Variants in MYBL2 observed in about 807,000 individuals in gnomAD.
The protein encoded by MYBL2 is MYB proto-oncogene like 2.
In MYBL2, 28 loss-of-function variants were observed where a neutral mutation model predicts 79.9. The observed-to-expected ratio is 0.35, with a 90% CI of 0.26 to 0.48. The LOEUF is 0.48. Ranked by LOEUF, MYBL2 falls within the 20% of genes least tolerant of loss-of-function variation. MYBL2 has a pLI of 0.99. For missense variants in MYBL2, 735 were observed against 893.9 expected (o/e 0.82, Z 2.27); for synonymous variants, 378 against 361.2 (o/e 1.05, Z -0.53).
At chr20:43,685,999 T>C (rs1320854369) in intron 4 of MYBL2, among the ~76,000 whole-genome samples, 3 of 151,878 alleles carry the variant, frequency 2.0e-5, no homozygotes, top group African/African-American at 7.3e-5. Flanking sequence ...ATCGTGCCAT[T>C]GCACTCCAGC....
chr20:43,707,238 T>C (rs1289410763), intron 9 of MYBL2, among the ~76,000 whole-genome samples: 1 of 151,526 alleles, frequency 6.6e-6, no homozygotes, highest in African/African-American at 2.4e-5. Context: ...AAAGAGTTGA[T>C]CTAAAGCATA....
intron 5 of MYBL2, among the ~76,000 whole-genome samples, chr20:43,691,534 T>A (rs1271567907): frequency 8.1e-6 from 1 of 122,974 alleles, no homozygotes; most frequent in African/African-American, 2.9e-5. Flanking sequence ...TTCCTGGTCT[T>A]ATATATACAT....
chr20:43,678,335 A>G (rs6073173), intron 2 of MYBL2, among the ~76,000 whole-genome samples: 105 of 11,634 alleles, frequency 9.0e-3, no homozygotes, highest in African/African-American at 0.013. Context: ...AAGAAAGAAA[A>G]AAAAAAAAAA....
At chr20:43,692,635 A>G (rs866656059) in intron 6 of MYBL2, among the ~76,000 whole-genome samples, 145 of 152,296 alleles carry the variant, frequency 9.5e-4, no homozygotes, top group African/African-American at 3.3e-3. Flanking sequence ...CATGTTTGCA[A>G]TAAAAAAATC....
chr20:43,675,672 G>T (rs1217129492), intron 2 of MYBL2, among the ~76,000 whole-genome samples: 1 of 152,014 alleles, frequency 6.6e-6, no homozygotes, highest in East Asian at 1.9e-4. Flanking sequence ...ATTATCCCAA[G>T]AAGTTTTCTG....
intron 4 of MYBL2, among the ~76,000 whole-genome samples, chr20:43,686,350 G>C (rs141809280): frequency 2.0e-5 from 3 of 152,088 alleles, no homozygotes; most frequent in Non-Finnish European, 2.9e-5. Context: ...AGGTCAGCCC[G>C]CGATGCCTGC....
intron 9 of MYBL2, among the ~76,000 whole-genome samples, chr20:43,708,474 C>T (rs1987837659): frequency 6.6e-6 from 1 of 152,016 alleles, no homozygotes. Flanking sequence ...CTCTTAGTCA[C>T]CCGGGTTGGA....
At chr20:43,694,870 T>C (rs1052949357) in intron 6 of MYBL2, among the ~76,000 whole-genome samples, 1 of 152,150 alleles carries the variant, frequency 6.6e-6, no homozygotes, top group Non-Finnish European at 1.5e-5. Flanking sequence ...ATAGAAGACT[T>C]TCAGCATAGG....
intron 5 of MYBL2, among the ~76,000 whole-genome samples, chr20:43,691,140 C>T (rs1477851119): frequency 6.6e-6 from 1 of 152,070 alleles, no homozygotes; most frequent in Non-Finnish European, 1.5e-5. Flanking sequence ...CCTCTTTGGC[C>T]ACTTATCAGT....
intron 11 of MYBL2, 57 bp from the exon 12 acceptor site, chr20:43,712,945 C>G: frequency 7.3e-7 from 1 of 1,369,924 alleles, no homozygotes; most frequent in Non-Finnish European, 1.0e-6. Context: ...CATCCAGGTG[C>G]TGACCATGGG....
chr20:43,686,858 G>T lies in MYBL2; in HGVS notation c.286G>T (p.Glu96Ter). The change falls in exon 5 of 14, where the codon GAG becomes TAG. Residue 96 changes from glutamate (E) to a stop codon, truncating the protein, a stop_gained. Coordinates refer to ENST00000217026, the MANE Select transcript of MYBL2 (RefSeq NM_002466.4). LOFTEE classifies it high-confidence loss of function. ...CCAGAGACTTTTCTCTAAGGTCATCGAGCTGGTTAAGAAGTATGGCACAAA... is the reference window on the plus strand; with the variant it reads ...CCAGAGACTTTTCTCTAAGGTCATCTAGCTGGTTAAGAAGTATGGCACAAA... The part of the protein sequence containing the change: ...WTKEEDQKVI[E>*]LVKKYGTKQW... 6.2e-7 allele frequency: 1 copy of T among 1,614,020 alleles called. No homozygotes were observed. Among genetic ancestry groups the T allele is most frequent in the South Asian group, 1.1e-5 (1 of 91,034 alleles).
intron 4 of MYBL2, among the ~76,000 whole-genome samples, chr20:43,683,367 T>C (rs1396779760): frequency 6.6e-6 from 1 of 151,854 alleles, no homozygotes; most frequent in East Asian, 1.9e-4. Context: ...ATTTTATAGA[T>C]GGAGAGAGCA....
intron 2 of MYBL2, among the ~76,000 whole-genome samples, chr20:43,678,323 G>A (rs1007070131): frequency 2.1e-4 from 13 of 62,496 alleles, no homozygotes; most frequent in Non-Finnish European, 3.4e-5. Context: ...AAGAAAGAAA[G>A]AAAGAAAGAA....
At chr20:43,708,581 AC>A (rs1337129206) in intron 9 of MYBL2, among the ~76,000 whole-genome samples, 3 of 152,108 alleles carry the variant, frequency 2.0e-5, no homozygotes, top group Non-Finnish European at 4.4e-5. Context: ...TACAAGCACC[AC>A]CATGGCTGGC....
intron 4 of MYBL2, among the ~76,000 whole-genome samples, chr20:43,686,046 TAAATAAA>T (rs1004079807): frequency 2.0e-5 from 3 of 150,050 alleles, no homozygotes; most frequent in African/African-American, 7.4e-5. Context: ...TCAAAAAAAA[TAAATAAA>T]AAATAAAAAG....
At chr20:43,696,622 G>T (rs1240037281) in intron 6 of MYBL2, among the ~76,000 whole-genome samples, 1 of 152,304 alleles carries the variant, frequency 6.6e-6, no homozygotes, top group Non-Finnish European at 1.5e-5. Flanking sequence ...TCCTGAATTT[G>T]CCGTATCTTA....
intron 9 of MYBL2, among the ~76,000 whole-genome samples, chr20:43,706,719 G>GTGTTTTTTTTTT (rs1987791193): frequency 8.5e-5 from 6 of 70,782 alleles, no homozygotes; most frequent in African/African-American, 3.6e-4. Context: ...AAAAAAAAAA[G>GTGTTTTTTTTTT]TTTTTTTTTT....
rs181688716 is a variant in MYBL2, at chr20:43,702,645, C to T, written c.1107C>T (p.Thr369=). 5.0e-5 allele frequency: 81 copies of T among 1,614,034 alleles called. No homozygotes were observed. Among genetic ancestry groups the T allele is most frequent in the Admixed American group, 2.0e-4 (12 of 60,022 alleles). The change falls in exon 8 of 14, where the codon ACC becomes ACT. Residue 369 remains threonine, a synonymous_variant. Coordinates refer to ENST00000217026, the MANE Select transcript of MYBL2 (RefSeq NM_002466.4). ...CTTCCGCCCTGGTGCCCAGTGTGAC[C>T]GAGTACCGCCTGGATGGCCACACCA... ...RQPSALVPSV[T]EYRLDGHTIS...
At chr20:43,683,663 C>T (rs994362883) in intron 4 of MYBL2, among the ~76,000 whole-genome samples, 1 of 150,674 alleles carries the variant, frequency 6.6e-6, no homozygotes, top group Non-Finnish European at 1.5e-5. Context: ...AAGCGATTCT[C>T]GTGTCTTAGC....
Sources: gnomAD v4.1 joint callset for allele counts (sites outside exome capture counted in the v4.1 genomes callset) on GRCh38, gnomAD v4.1.1 for gene constraint, MANE v1.5 for transcripts, NCBI Gene and HGNC (gene_info 2026-07-23, HGNC 2026-07-21) for gene names.